Variants in ATP6V1B2 observed in about 807,000 individuals in gnomAD.
ATP6V1B2 encodes the protein ATPase H+ transporting V1 subunit B2, also known as V-type proton ATPase subunit B, brain isoform.
Under a neutral mutation model 66.7 loss-of-function variants are expected in ATP6V1B2, and 23 were observed. The ratio of observed to expected loss-of-function variants is 0.34; its 90% confidence interval spans 0.25 to 0.49. The LOEUF is 0.49. Ranked by LOEUF, ATP6V1B2 falls within the 20% of genes least tolerant of loss-of-function variation. The pLI is 0.99. For missense variants in ATP6V1B2, 478 were observed against 650.8 expected (o/e 0.73, Z 2.89); for synonymous variants, 278 against 236.7 (o/e 1.17, Z -1.60).
chr8:20,212,442 A>T (rs11986787), intron 8 of ATP6V1B2, among the ~76,000 whole-genome samples: 2,490 of 152,274 alleles, frequency 0.016, 85 homozygotes, highest in African/African-American at 0.057. Context: ...ATTAAATGAG[A>T]TCATACTTAT....
chr8:20,220,442 G>T lies in ATP6V1B2; in HGVS notation c.*40G>T. The stretch of plus-strand genomic sequence containing the variant: ...TTGCTCCGCGCTCTTGTGAAATACT[G>T]GTTCTGTTTTCTTTATTCCTTTTGC... On this transcript the variant is annotated 3_prime_UTR_variant, in exon 14 of 14. Transcript: ENST00000276390. 6.7e-7 allele frequency: 1 copy of T among 1,499,022 alleles called. No homozygotes were observed. Among genetic ancestry groups the T allele is most frequent in the South Asian group, 1.4e-5 (1 of 71,486 alleles). 92.9% of individuals were successfully genotyped at this position (1,499,022 alleles called of 1,614,324 possible).
intron 2 of ATP6V1B2, among the ~76,000 whole-genome samples, chr8:20,204,854 A>G (rs570667716): frequency 1.3e-5 from 2 of 152,304 alleles, no homozygotes; most frequent in African/African-American, 4.8e-5. Flanking sequence ...AGAGAGGTTA[A>G]TGATGCATTT....
rs1170659093 is a variant in ATP6V1B2 at position 20,203,834 on chromosome 8, T to A, written c.137-650T>A. On this transcript the variant is annotated intron_variant, in intron 1 of 13. Coordinates refer to ENST00000276390, the MANE Select transcript of ATP6V1B2 (RefSeq NM_001693.4). The stretch of plus-strand genomic sequence containing the variant: ...CCTGGCAGTAACGTTTGACTTTTTT[T>A]AAAAGGATCCTTTTCTTATCTTGTT... 3.6e-5 allele frequency: 13 copies of A among 360,346 alleles called. No homozygotes were observed. The East Asian group carries it at 9.4e-4, about 26-fold the overall frequency. 22.3% of individuals were successfully genotyped at this position (360,346 alleles called of 1,614,324 possible).
chr8:20,197,879 T>A (rs2072644875), intron 1 of ATP6V1B2, among the ~76,000 whole-genome samples: 1 of 152,134 alleles, frequency 6.6e-6, no homozygotes, highest in Non-Finnish European at 1.5e-5. Context: ...GCCACTCCGA[T>A]CTTAATCTTC....
intron 1 of ATP6V1B2, 124 bp from the exon 2 acceptor site, chr8:20,204,360 C>G (rs2072716849): frequency 5.2e-6 from 4 of 765,186 alleles, no homozygotes; most frequent in Non-Finnish European, 8.4e-6. Flanking sequence ...AATTTTGTAG[C>G]TATTTGAGTG....
At chr8:20,219,207 T>C (rs369748668) in intron 13 of ATP6V1B2, among the ~76,000 whole-genome samples, 1 of 152,156 alleles carries the variant, frequency 6.6e-6, no homozygotes, top group South Asian at 2.1e-4. Flanking sequence ...GATTTTGCAT[T>C]TCTGTGAATT....
chr8:20,214,681 A>G lies in ATP6V1B2; in HGVS notation c.928-137A>G, dbSNP rs62498257. ...TTATGTTGCCGGGAGATTTTTCTAAATCATTCTTAAGGACAGTATTTAAAA... is the reference window on the plus strand; with the variant it reads ...TTATGTTGCCGGGAGATTTTTCTAAGTCATTCTTAAGGACAGTATTTAAAA... On this transcript the variant is annotated intron_variant, in intron 9 of 13. Transcript: ENST00000276390. 0.37 allele frequency: 360,916 copies of G among 965,330 alleles called. 71,446 individuals are homozygous for G. Among genetic ancestry groups the G allele is most frequent in the East Asian group, 0.6 (18,234 of 30,516 alleles). 59.8% of individuals were successfully genotyped at this position (965,330 alleles called of 1,614,324 possible). A position where few individuals can be genotyped will look rare whatever the true frequency, so the allele number is the denominator to read the frequency against.
At chr8:20,206,692 A>G (rs529102889) in intron 2 of ATP6V1B2, among the ~76,000 whole-genome samples, 37 of 152,196 alleles carry the variant, frequency 2.4e-4, no homozygotes, top group South Asian at 4.2e-4. Flanking sequence ...TTGCTGCCGA[A>G]CCCAGAAACT....
At chr8:20,202,436 T>C (rs1216612174) in intron 1 of ATP6V1B2, among the ~76,000 whole-genome samples, 3 of 152,248 alleles carry the variant, frequency 2.0e-5, no homozygotes, top group Admixed American at 6.5e-5. Context: ...AAAGTACTTA[T>C]TAAATGTATG....
At chr8:20,209,401 C>T (rs1355192514) in intron 2 of ATP6V1B2, 32 bp from the exon 3 acceptor site, 15 of 1,595,178 alleles carry the variant, frequency 9.4e-6, no homozygotes, top group Non-Finnish European at 1.3e-5. Flanking sequence ...TGTAAAATGT[C>T]GGATATTGAT....
intron 8 of ATP6V1B2, 88 bp downstream of exon 8, chr8:20,212,287 AG>A: frequency 2.4e-6 from 3 of 1,236,096 alleles, no homozygotes; most frequent in Admixed American, 1.9e-5. Context: ...TGGTAATAAC[AG>A]CATTTGGACC....
intron 5 of ATP6V1B2, 109 bp from the exon 6 acceptor site, chr8:20,211,068 T>C: frequency 2.2e-6 from 3 of 1,387,658 alleles, no homozygotes; most frequent in Non-Finnish European, 2.0e-6. Context: ...CTTTATGTAG[T>C]TCTGGTCTTC....
intron 2 of ATP6V1B2, among the ~76,000 whole-genome samples, chr8:20,208,477 A>G (rs996423723): frequency 6.6e-6 from 1 of 152,192 alleles, no homozygotes; most frequent in African/African-American, 2.4e-5. Flanking sequence ...TGTTGATAAA[A>G]TAAGTATTAA....
chr8:20,207,313 A>G (rs1012195351), intron 2 of ATP6V1B2, among the ~76,000 whole-genome samples: 2 of 152,236 alleles, frequency 1.3e-5, no homozygotes, highest in African/African-American at 4.8e-5. Flanking sequence ...GTAAATCAAC[A>G]TTACAAGGCC....
rs1447935782 is a variant in ATP6V1B2 at position 20,221,676 on chromosome 8, GTTAAA to G, written c.*1281_*1285del. ...ATCTGGATATAAAATGAAAATAAAT[GTTAAA>G]TTAAATGGACCTTAACTAAAGTGAC... On this transcript the variant is annotated 3_prime_UTR_variant, in exon 14 of 14. Transcript: ENST00000276390. 2.6e-5 allele frequency: 4 copies of G among 152,630 alleles called. No individual in the cohort carries two copies. Among genetic ancestry groups the G allele is most frequent in the Non-Finnish European group, 1.5e-5 (1 of 68,034 alleles). The allele number at this position is 152,630 out of a possible 1,614,324, so 9.5% of individuals were successfully genotyped here.
intron 8 of ATP6V1B2, 79 bp downstream of exon 8, chr8:20,212,278 G>A: frequency 2.2e-6 from 3 of 1,334,468 alleles, no homozygotes; most frequent in Non-Finnish European, 3.2e-6. Flanking sequence ...GGTAAAATGT[G>A]GTAATAACAG....
At chr8:20,215,017 G>A (rs1427729564) in intron 10 of ATP6V1B2, 49 bp downstream of exon 10, 55 of 1,568,676 alleles carry the variant, frequency 3.5e-5, no homozygotes, top group Non-Finnish European at 4.8e-5. Flanking sequence ...TTTAAAGAGA[G>A]AGAAGACCCA....
chr8:20,214,441 T>A (rs893679720), intron 9 of ATP6V1B2: 3 of 157,548 alleles, frequency 1.9e-5, no homozygotes, highest in Admixed American at 6.4e-5. Flanking sequence ...CTTTTTGGGA[T>A]TAGGTTAGAT....
Position 20,197,418 on chromosome 8 carries a change from G to A in ATP6V1B2, c.12G>A (p.Arg4=), listed in dbSNP as rs754928790. Reference sequence around the variant, plus strand: ...ACAGAGGAGACAAGATGGCGCTGCGGGCGATGCGGGGGATTGTCAACGGGG... The same window carrying A: ...ACAGAGGAGACAAGATGGCGCTGCGAGCGATGCGGGGGATTGTCAACGGGG... MAL[R]AMRGIVNGAA... is the part of the protein sequence containing the mutation. The change falls in exon 1 of 14, where the codon CGG becomes CGA. Residue 4 remains arginine, a synonymous_variant. Transcript: ENST00000276390. 2.6e-6 allele frequency: 4 copies of A among 1,543,682 alleles called. No individual in the cohort carries two copies. The highest frequency in any genetic ancestry group is 2.4e-5 in the South Asian group (2 of 84,938).
Sources: allele counts gnomAD v4.1 joint callset (sites outside exome capture counted in the v4.1 genomes callset), GRCh38; gene constraint gnomAD v4.1.1; transcripts MANE v1.5; gene names NCBI Gene and HGNC (gene_info 2026-07-23, HGNC 2026-07-21).